Variants in PCBD2 observed in about 807,000 individuals in gnomAD.
PCBD2 encodes pterin-4-alpha-carbinolamine dehydratase 2.
Under a neutral mutation model 16.4 loss-of-function variants are expected in PCBD2, and 12 were observed. That is an observed-to-expected ratio of 0.73 (90% CI 0.47 to 1.19). PCBD2 has a LOEUF of 1.19. PCBD2 is among the 50% of genes most tolerant of loss of function. The probability of loss-of-function intolerance (pLI) is 0.00; values close to 1 mark genes in which losing one functional copy is unlikely to be tolerated. For missense variants in PCBD2, 138 were observed against 156.8 expected (o/e 0.88, Z 0.64); for synonymous variants, 58 against 61.8 (o/e 0.94, Z 0.29).
chr5:134,906,628 A>G (rs1750694403), intron 1 of PCBD2, among the ~76,000 whole-genome samples: 1 of 152,136 alleles, frequency 6.6e-6, no homozygotes, highest in Admixed American at 6.5e-5. Context: ...CAGTAAGATT[A>G]GGGTGTTCTG....
intron 2 of PCBD2, chr5:134,926,288 C>A: frequency 2.9e-6 from 1 of 346,824 alleles, no homozygotes; most frequent in South Asian, 1.5e-4. Context: ...ACTTCTTGGT[C>A]TAGGTATATG....
At chr5:134,943,869 A>T (rs1261284579) in intron 2 of PCBD2, among the ~76,000 whole-genome samples, 1 of 152,224 alleles carries the variant, frequency 6.6e-6, no homozygotes, top group Non-Finnish European at 1.5e-5. Context: ...ATAATTATAT[A>T]TATTTGCCTG....
At chr5:134,914,589 GC>G (rs907328488) in intron 2 of PCBD2, among the ~76,000 whole-genome samples, 57 of 152,280 alleles carry the variant, frequency 3.7e-4, no homozygotes, top group African/African-American at 1.4e-3. Flanking sequence ...AGAAACGCTG[GC>G]CCTTGGAGTC....
intron 2 of PCBD2, among the ~76,000 whole-genome samples, chr5:134,936,720 A>G (rs976061747): frequency 1.3e-5 from 2 of 152,200 alleles, no homozygotes; most frequent in Non-Finnish European, 2.9e-5. Flanking sequence ...GCTGCTTGCC[A>G]GGTAGCTACC....
At chr5:134,930,650 A>G (rs575568368) in intron 2 of PCBD2, among the ~76,000 whole-genome samples, 2 of 152,328 alleles carry the variant, frequency 1.3e-5, no homozygotes, top group Admixed American at 6.5e-5. Flanking sequence ...GTCTCCAACC[A>G]TGAGAGAGAC....
intron 2 of PCBD2, among the ~76,000 whole-genome samples, chr5:134,947,086 A>G (rs1017037097): frequency 1.3e-5 from 2 of 150,642 alleles, no homozygotes; most frequent in African/African-American, 2.4e-5. Flanking sequence ...CATGCTATTA[A>G]AAAAAAAAAT....
intron 2 of PCBD2, among the ~76,000 whole-genome samples, chr5:134,939,419 A>G (rs1194092188): frequency 2.0e-5 from 3 of 151,856 alleles, no homozygotes; most frequent in African/African-American, 4.8e-5. Context: ...CATATGGGGC[A>G]TCTGCTGGGC....
At chr5:134,940,329 G>C (rs1751210780) in intron 2 of PCBD2, among the ~76,000 whole-genome samples, 1 of 152,146 alleles carries the variant, frequency 6.6e-6, no homozygotes, top group Non-Finnish European at 1.5e-5. Context: ...CAACCCTGTT[G>C]GTCTCCTGAG....
chr5:134,952,643 A>G lies in PCBD2; in HGVS notation c.217-6397A>G, dbSNP rs191743020. 1.6e-4 allele frequency among the ~76,000 whole-genome samples: 24 copies of G among 152,190 alleles called. No individual in the cohort carries two copies. The East Asian group carries it at 4.1e-3, about 26-fold the overall frequency. ...ACATAACAAGACCCCATTTCTACAA[A>G]AATTTAAAAAAATTAGCCAGGCATA... is the stretch of plus-strand genomic sequence containing the variant. On this transcript the variant is annotated intron_variant, in intron 2 of 3. Transcript: ENST00000254908.
At chr5:134,935,253 CTG>C (rs1403780741) in intron 2 of PCBD2, among the ~76,000 whole-genome samples, 5 of 152,206 alleles carry the variant, frequency 3.3e-5, no homozygotes, top group African/African-American at 1.2e-4. Flanking sequence ...TTAAATGTAA[CTG>C]TTGACTCTGC....
intron 2 of PCBD2, chr5:134,923,836 C>T (rs548484444): frequency 2.0e-4 from 77 of 394,064 alleles, no homozygotes; most frequent in Non-Finnish European, 3.0e-4. Context: ...TAATTTACGT[C>T]TCGGGTGATA....
chr5:134,906,530 C>T (rs903618539), intron 1 of PCBD2, among the ~76,000 whole-genome samples: 3 of 152,130 alleles, frequency 2.0e-5, no homozygotes, highest in Admixed American at 6.5e-5. Flanking sequence ...TCCGCCGCTT[C>T]TTGTCCACGA....
intron 2 of PCBD2, chr5:134,925,482 G>A (rs1347553496): frequency 5.0e-6 from 2 of 398,396 alleles, no homozygotes; most frequent in Admixed American, 4.4e-5. Context: ...AGATGTGCAG[G>A]AATGCTAGGT....
At chr5:134,931,078 C>T (rs575529779) in intron 2 of PCBD2, among the ~76,000 whole-genome samples, 38 of 152,132 alleles carry the variant, frequency 2.5e-4, no homozygotes, top group Non-Finnish European at 4.0e-4. Context: ...CCACCATGCC[C>T]GGCTAATTTT....
chr5:134,959,669 T>A (rs1751453448), intron 3 of PCBD2, among the ~76,000 whole-genome samples: 1 of 152,180 alleles, frequency 6.6e-6, no homozygotes, highest in Non-Finnish European at 1.5e-5. Context: ...TCATCTAGAT[T>A]TCTATGAAGT....
chr5:134,906,085 G>T lies in PCBD2; in HGVS notation c.84+862G>T, dbSNP rs183317386. The stretch of plus-strand genomic sequence containing the variant: ...GAGGGGTTTTCGCCATGTTGGCCAG[G>T]CTAGTCTCGAACTCCTGACCTCAGG... On this transcript the variant is annotated intron_variant, in intron 1 of 3. Coordinates refer to ENST00000254908, the MANE Select transcript of PCBD2 (RefSeq NM_032151.5). 1.2e-4 allele frequency among the ~76,000 whole-genome samples: 18 copies of T among 151,892 alleles called. No individual in the cohort carries two copies. The East Asian group carries it at 3.3e-3, about 28-fold the overall frequency.
At chr5:134,946,881 A>G (rs1751301677) in intron 2 of PCBD2, among the ~76,000 whole-genome samples, 1 of 152,116 alleles carries the variant, frequency 6.6e-6, no homozygotes, top group Non-Finnish European at 1.5e-5. Flanking sequence ...ACACATCCCA[A>G]CTTAAGCAGA....
chr5:134,950,165 A>G (rs538622481), intron 2 of PCBD2, among the ~76,000 whole-genome samples: 14 of 152,280 alleles, frequency 9.2e-5, no homozygotes, highest in Non-Finnish European at 2.1e-4. Flanking sequence ...GTGATTCATA[A>G]ACAATAGATG....
At chr5:134,945,618 A>G (rs537044030) in intron 2 of PCBD2, among the ~76,000 whole-genome samples, 117 of 152,248 alleles carry the variant, frequency 7.7e-4, no homozygotes, top group Non-Finnish European at 1.4e-3. Flanking sequence ...TAATTTGTGA[A>G]TTTTTGACAC....
Sources: gnomAD v4.1 joint callset for allele counts (sites outside exome capture counted in the v4.1 genomes callset) on GRCh38, gnomAD v4.1.1 for gene constraint, MANE v1.5 for transcripts, NCBI Gene and HGNC (gene_info 2026-07-23, HGNC 2026-07-21) for gene names.